Variants in SLC22A8 observed in about 807,000 individuals in gnomAD.
SLC22A8 encodes organic anion transporter 3.
SLC22A8 carries 40 observed loss-of-function variants against 48.4 expected under a neutral mutation model. That is an observed-to-expected ratio of 0.83 (90% CI 0.64 to 1.08). The LOEUF (loss-of-function observed/expected upper bound fraction) is 1.08, where lower values mean the gene tolerates loss of function less well. Ranked by LOEUF, SLC22A8 falls within the 50% of genes least tolerant of loss-of-function variation. The pLI, the probability that SLC22A8 is intolerant of heterozygous loss-of-function variation, is 0.00. For synonymous variants in SLC22A8, 268 were observed against 286.3 expected, an observed-to-expected ratio of 0.94 and a Z score of 0.65; for missense variants, 606 against 699.0, an observed-to-expected ratio of 0.87 and a Z score of 1.50.
intron 2 of SLC22A8, among the ~76,000 whole-genome samples, chr11:63,003,750 G>A (rs1345259512): frequency 6.6e-6 from 1 of 152,130 alleles, no homozygotes; most frequent in Non-Finnish European, 1.5e-5. Flanking sequence ...GCTTAAGAGG[G>A]ATTCCCTAGT....
At chr11:63,008,864 A>T (rs2086585539) in intron 2 of SLC22A8, among the ~76,000 whole-genome samples, 1 of 152,030 alleles carries the variant, frequency 6.6e-6, no homozygotes, top group South Asian at 2.1e-4. Context: ...TCCTCTGTAA[A>T]ATGGGGACAA....
chr11:63,014,628 CT>C lies in SLC22A8; in HGVS notation c.330del (p.Glu111SerfsTer11). Reference protein sequence around the residue: ...VYNSTKDSIVTEWDLVCNSNK... With the variant: ...VYNSTKDSIVXEWDLVCNSNK... ...GGAGAGGGTTTGCCCAGGCATACCT[CT>C]GTCACAATGGAGTCCTTGGTGCTGT... On this transcript the variant is annotated frameshift_variant, in exon 2 of 11. Coordinates refer to ENST00000336232, the MANE Select transcript of SLC22A8 (RefSeq NM_004254.4). LOFTEE classifies it high-confidence loss of function. 6.3e-7 allele frequency: 1 copy of C among 1,584,602 alleles called. No individual in the cohort carries two copies. The highest frequency in any genetic ancestry group is 8.6e-7 in the Non-Finnish European group (1 of 1,158,996).
In SLC22A8 at chr11:63,010,712, C is replaced by T. The variant is rs1048119333; in HGVS notation, c.333+3914G>A. ...GCCAGACCTGACCCAGAGAAGGGTGCGGTGCCCTGAGGCCTGGTGACCCCC... is the reference window on the plus strand; with the variant it reads ...GCCAGACCTGACCCAGAGAAGGGTGTGGTGCCCTGAGGCCTGGTGACCCCC... On this transcript the variant is annotated intron_variant, in intron 2 of 10. Coordinates refer to ENST00000336232, the MANE Select transcript of SLC22A8 (RefSeq NM_004254.4). Among the ~76,000 whole-genome samples the T allele has an allele frequency of 3.9e-5, 6 of 152,132 alleles. No homozygotes were observed. The East Asian group carries it at 7.7e-4, about 20-fold the overall frequency.
At chr11:63,010,107 G>A (rs116357261) in intron 2 of SLC22A8, among the ~76,000 whole-genome samples, 1,599 of 152,292 alleles carry the variant, frequency 0.01, 43 homozygotes, top group African/African-American at 0.037. Flanking sequence ...AAGGAGTGCA[G>A]CTAACATGAA....
chr11:63,003,263 A>G (rs1240915124), intron 2 of SLC22A8, among the ~76,000 whole-genome samples: 1 of 152,216 alleles, frequency 6.6e-6, no homozygotes, highest in African/African-American at 2.4e-5. Flanking sequence ...AATGTTTTGG[A>G]AGCAAAACAT....
intron 2 of SLC22A8, among the ~76,000 whole-genome samples, chr11:63,014,171 G>A (rs898037568): frequency 6.6e-5 from 10 of 152,142 alleles, no homozygotes; most frequent in Non-Finnish European, 1.5e-4. Flanking sequence ...CAGTTCCAGG[G>A]GCATTTCTGT....
chr11:63,015,070 G>A, intron 1 of SLC22A8, 87 bp from the exon 2 acceptor site: 1 of 841,090 alleles, frequency 1.2e-6, no homozygotes, highest in Non-Finnish European at 1.8e-6. Context: ...GGGTGAACCA[G>A]GTGGATATGC....
rs1289124907 is a variant in SLC22A8 at position 62,993,783 on chromosome 11, G to T, written c.1312C>A (p.Pro438Thr). The change falls in exon 9 of 11, where the codon CCC (proline) becomes ACC (threonine). Residue 438 changes from proline to threonine, a missense_variant. Pro to Thr is a conservative substitution (Grantham distance 38). Coordinates refer to ENST00000336232, the MANE Select transcript of SLC22A8 (RefSeq NM_004254.4). ...TCCAGCACCTACCTGATGACTGTGG[G>T]GTATAATTCACTTGTGTAGAGGAAG... ...CLFLYTSELY[P>T]TVIRQTGMGV... The T allele has an allele frequency of 6.2e-7, 1 of 1,612,280 alleles. No individual in the cohort carries two copies. Among genetic ancestry groups the T allele is most frequent in the East Asian group, 2.2e-5 (1 of 44,872 alleles).
Position 62,995,697 on chromosome 11 carries a change from G to A in SLC22A8, c.1001+7C>T. On this transcript the variant is annotated splice_region_variant and intron_variant, in intron 7 of 10. Transcript: ENST00000336232. The stretch of plus-strand genomic sequence containing the variant: ...TGGCAGGGTGTGGGCAGGGAGAGGG[G>A]GGTTACCAGGCCAGGGAAAGACAGA... 2 of 1,606,192 alleles carry A rather than the reference G, an allele frequency of 1.2e-6. No individual in the cohort carries two copies. Among genetic ancestry groups the A allele is most frequent in the Non-Finnish European group, 8.5e-7 (1 of 1,172,782 alleles).
chr11:63,002,273 C>T (rs1444848775), intron 2 of SLC22A8, among the ~76,000 whole-genome samples: 1 of 152,052 alleles, frequency 6.6e-6, no homozygotes, highest in Non-Finnish European at 1.5e-5. Flanking sequence ...AATTATATTA[C>T]ATATATGAAA....
chr11:62,994,073 T>C, intron 8 of SLC22A8, 195 bp from the exon 9 acceptor site: 1 of 599,348 alleles, frequency 1.7e-6, no homozygotes, highest in Non-Finnish European at 3.0e-6. Flanking sequence ...TCTATTTCCA[T>C]TTATATTTTG....
chr11:63,001,022 C>A, intron 2 of SLC22A8, 199 bp from the exon 3 acceptor site: 1 of 555,280 alleles, frequency 1.8e-6, no homozygotes, highest in South Asian at 2.0e-5. Flanking sequence ...TGACCTGCAT[C>A]CCTCAGGCAT....
chr11:62,994,472 G>T (rs2086384764), intron 8 of SLC22A8, 70 bp downstream of exon 8: 2 of 1,154,758 alleles, frequency 1.7e-6, no homozygotes, highest in African/African-American at 1.5e-5. Flanking sequence ...GGCAGAGCCA[G>T]CAGTGAAGTC....
At position 62,995,802 on chromosome 11, in the gene SLC22A8, C is replaced by T. The variant is rs1314664871; in HGVS notation, c.903G>A (p.Leu301=). 1.2e-6 allele frequency: 2 copies of T among 1,613,982 alleles called. No homozygotes were observed. Among genetic ancestry groups the T allele is most frequent in the Admixed American group, 1.7e-5 (1 of 60,024 alleles). ...RLSLEELKLN[L]QKEISLAKAK... Reference sequence around the variant, plus strand: ...CCTTGGCCAAGGAGATCTCCTTCTGCAGGTTGAGTTTGAGCTCCTTCGGGC... The same window carrying T: ...CCTTGGCCAAGGAGATCTCCTTCTGTAGGTTGAGTTTGAGCTCCTTCGGGC... The change falls in exon 7 of 11, where the codon CTG becomes CTA. Residue 301 remains leucine (L), a synonymous_variant. Coordinates refer to ENST00000336232, the MANE Select transcript of SLC22A8 (RefSeq NM_004254.4).
intron 6 of SLC22A8, 69 bp downstream of exon 6, chr11:62,995,960 A>C: frequency 6.2e-7 from 1 of 1,608,322 alleles, no homozygotes; most frequent in Non-Finnish European, 8.5e-7. Flanking sequence ...GAACAGAGGC[A>C]AGGGGAGGGG....
chr11:62,996,792 G>A (rs558477713), intron 5 of SLC22A8, among the ~76,000 whole-genome samples: 8 of 152,356 alleles, frequency 5.3e-5, no homozygotes, highest in Non-Finnish European at 1.0e-4. Flanking sequence ...GGCTCATTCT[G>A]AGCAGTTCCT....
intron 3 of SLC22A8, 57 bp from the exon 4 acceptor site, chr11:62,999,899 G>A: frequency 7.2e-7 from 1 of 1,390,544 alleles, no homozygotes. Flanking sequence ...GCCAAGAGGA[G>A]TGACTCTGCA....
At chr11:62,996,736 C>T (rs1475380124) in intron 5 of SLC22A8, among the ~76,000 whole-genome samples, 4 of 152,210 alleles carry the variant, frequency 2.6e-5, no homozygotes, top group Non-Finnish European at 5.9e-5. Flanking sequence ...GGCAAATAGG[C>T]AGTCACCCCC....
intron 2 of SLC22A8, among the ~76,000 whole-genome samples, chr11:63,004,955 A>G (rs141290743): frequency 1.3e-5 from 2 of 152,284 alleles, no homozygotes; most frequent in Non-Finnish European, 2.9e-5. Flanking sequence ...GTCAATATGG[A>G]TAGTGTCTAG....
Sources: allele counts gnomAD v4.1 joint callset (sites outside exome capture counted in the v4.1 genomes callset), GRCh38; gene constraint gnomAD v4.1.1; transcripts MANE v1.5; gene names NCBI Gene and HGNC (gene_info 2026-07-23, HGNC 2026-07-21).